The following TRMT9B variants were observed in gnomAD, a reference collection of about 807,000 sequenced individuals.
TRMT9B encodes the protein tRNA methyltransferase 9B (putative).
Under a neutral mutation model 11.5 loss-of-function variants are expected in TRMT9B, and 16 were observed. That is an observed-to-expected ratio of 1.39 (90% CI 0.94 to 2.11). The LOEUF is 2.11. TRMT9B is among the 30% of genes most tolerant of loss of function. The pLI, the probability that TRMT9B is intolerant of heterozygous loss-of-function variation, is 0.00. For missense variants in TRMT9B, 941 were observed against 553.8 expected, an observed-to-expected ratio of 1.70 and a Z score of -7.02; for synonymous variants, 274 against 192.4, an observed-to-expected ratio of 1.42 and a Z score of -3.51.
rs750686921 is a variant in TRMT9B at position 13,023,234 on chromosome 8, T to A, written c.*1190T>A. The A allele has an allele frequency of 6.0e-6, 1 of 167,090 alleles. No homozygotes were observed. Among genetic ancestry groups the A allele is most frequent in the Non-Finnish European group, 1.5e-5 (1 of 68,122 alleles). The allele number at this position is 167,090 out of a possible 1,614,324, so 10.4% of individuals were successfully genotyped here. A position where few individuals can be genotyped will look rare whatever the true frequency, so the allele number is the denominator to read the frequency against. ...TCAAGAACTAGGCATTTCTTCTGAG[T>A]TGACGGACTCTTTAGGAAAGGAGAA... On this transcript the variant is annotated 3_prime_UTR_variant, in exon 5 of 5. Transcript: ENST00000524591.
chr8:13,017,097 T>A (rs1325996847), intron 4 of TRMT9B, among the ~76,000 whole-genome samples: 2 of 141,772 alleles, frequency 1.4e-5, no homozygotes, highest in Non-Finnish European at 3.2e-5. Context: ...CACTCCAGCC[T>A]GGGCGACAGA....
intron 2 of TRMT9B, among the ~76,000 whole-genome samples, chr8:12,999,143 A>T (rs545516164): frequency 6.6e-6 from 1 of 152,186 alleles, no homozygotes; most frequent in Non-Finnish European, 1.5e-5. Flanking sequence ...TAGTAAAAAT[A>T]CAAAAATTAG....
intron 3 of TRMT9B, 62 bp from the exon 4 acceptor site, chr8:13,012,622 C>G: frequency 6.6e-7 from 1 of 1,507,722 alleles, no homozygotes; most frequent in South Asian, 1.3e-5. Flanking sequence ...TGTTATGAGA[C>G]AAATGAAGTA....
chr8:12,973,194 A>C (rs1032381644), intron 1 of TRMT9B, among the ~76,000 whole-genome samples: 2 of 152,168 alleles, frequency 1.3e-5, no homozygotes, highest in Non-Finnish European at 2.9e-5. Flanking sequence ...GAATAATATG[A>C]AATCTGGTTT....
chr8:13,017,013 A>C (rs925039815), intron 4 of TRMT9B, among the ~76,000 whole-genome samples: 9 of 151,618 alleles, frequency 5.9e-5, no homozygotes, highest in African/African-American at 2.2e-4. Flanking sequence ...AATCTCAGCT[A>C]CTCAGGAGGC....
Position 12,951,265 on chromosome 8 carries a change from C to G in TRMT9B, c.-200+5299C>G, listed in dbSNP as rs950711806. On this transcript the variant is annotated intron_variant, in intron 1 of 4. Transcript: ENST00000524591. ...AAGCCGTGGCACCCTACTTAACCCC[C>G]CCATCTCCAGTTATCCCAATGAACC... The G allele has an allele frequency of 3.3e-5, 5 of 152,314 alleles. No homozygotes were observed. The South Asian group carries it at 8.3e-4, about 25-fold the overall frequency. The allele number at this position is 152,314 out of a possible 1,614,324, so 9.4% of individuals were successfully genotyped here.
At chr8:13,014,622 C>T (rs1051936981) in intron 4 of TRMT9B, among the ~76,000 whole-genome samples, 1 of 152,094 alleles carries the variant, frequency 6.6e-6, no homozygotes, top group African/African-American at 2.4e-5. Flanking sequence ...GTTAGGGCTT[C>T]GACATGTTGG....
intron 2 of TRMT9B, among the ~76,000 whole-genome samples, chr8:13,002,864 C>T (rs562598763): frequency 6.6e-6 from 1 of 152,100 alleles, no homozygotes; most frequent in Non-Finnish European, 1.5e-5. Flanking sequence ...GGGACAGAGG[C>T]TGTCCAGGGA....
intron 2 of TRMT9B, among the ~76,000 whole-genome samples, chr8:12,994,767 C>G (rs1215445870): frequency 6.6e-6 from 1 of 152,158 alleles, no homozygotes; most frequent in Non-Finnish European, 1.5e-5. Flanking sequence ...CTGCAACCTC[C>G]GCCTTTCGGG....
chr8:12,968,527 T>G (rs2460915), intron 1 of TRMT9B, among the ~76,000 whole-genome samples: 2 of 152,116 alleles, frequency 1.3e-5, no homozygotes, highest in East Asian at 3.9e-4. Context: ...TTCTAATAGG[T>G]GGTCTGCATT....
intron 2 of TRMT9B, among the ~76,000 whole-genome samples, chr8:12,998,272 C>T (rs1808734778): frequency 6.6e-6 from 1 of 152,058 alleles, no homozygotes; most frequent in African/African-American, 2.4e-5. Flanking sequence ...TTATATGACC[C>T]TTTGTAAGAA....
intron 1 of TRMT9B, among the ~76,000 whole-genome samples, chr8:12,979,263 C>T (rs932704230): frequency 6.6e-6 from 1 of 152,176 alleles, no homozygotes; most frequent in Non-Finnish European, 1.5e-5. Context: ...CTGACTTTCG[C>T]ATAAAGTATG....
At chr8:12,995,648 T>C (rs996377175) in intron 2 of TRMT9B, among the ~76,000 whole-genome samples, 1 of 152,188 alleles carries the variant, frequency 6.6e-6, no homozygotes, top group African/African-American at 2.4e-5. Context: ...CTGATACACA[T>C]GTTTGTCTTC....
chr8:13,026,168 G>C lies in TRMT9B; in HGVS notation c.*4124G>C, dbSNP rs540753205. The C allele has an allele frequency of 2.6e-4, 44 of 167,220 alleles. 1 individual carries two copies. Among genetic ancestry groups the C allele is most frequent in the African/African-American group, 1.1e-3 (44 of 41,570 alleles). 10.4% of individuals were successfully genotyped at this position (167,220 alleles called of 1,614,324 possible). On this transcript the variant is annotated 3_prime_UTR_variant, in exon 5 of 5. Transcript: ENST00000524591. ...CACCAGACAAGCAGCTGCAGTCTAA[G>C]AAAAACAAATTAGGGCAGGCCTCAG...
intron 3 of TRMT9B, chr8:13,011,195 A>G: frequency 3.8e-6 from 2 of 527,978 alleles, no homozygotes; most frequent in Non-Finnish European, 4.9e-6. Context: ...CATGTTGGCC[A>G]GACTGGTCTC....
chr8:12,952,584 C>G, intron 1 of TRMT9B: 2 of 576,496 alleles, frequency 3.5e-6, no homozygotes, highest in Non-Finnish European at 4.4e-6. Context: ...GCACGTGTAT[C>G]TTTCCCTGGG....
chr8:12,990,712 T>G (rs36056654), intron 1 of TRMT9B, 122 bp from the exon 2 acceptor site: 1 of 363,330 alleles, frequency 2.8e-6, no homozygotes. Flanking sequence ...TATTAACAAT[T>G]CTTTCTAATC....
chr8:12,948,311 A>G (rs1372522004), intron 1 of TRMT9B, among the ~76,000 whole-genome samples: 1 of 151,662 alleles, frequency 6.6e-6, no homozygotes, highest in Non-Finnish European at 1.5e-5. Context: ...TTGTATGAGT[A>G]CTAGAAGTAT....
chr8:13,009,917 A>G (rs190937358), intron 3 of TRMT9B, among the ~76,000 whole-genome samples: 1 of 152,286 alleles, frequency 6.6e-6, no homozygotes, highest in East Asian at 1.9e-4. Context: ...CTTTTAGCTC[A>G]GGAGTTCGAG....
Sources: gnomAD v4.1 joint callset for allele counts (sites outside exome capture counted in the v4.1 genomes callset) on GRCh38, gnomAD v4.1.1 for gene constraint, MANE v1.5 for transcripts, NCBI Gene and HGNC (gene_info 2026-07-23, HGNC 2026-07-21) for gene names.